RPRD2: variants seen among roughly 807,000 people sequenced by gnomAD.
RPRD2 encodes regulation of nuclear pre-mRNA domain-containing protein 2.
In RPRD2, 12 loss-of-function variants were observed where a neutral mutation model predicts 104.4. The observed-to-expected ratio is 0.11, with a 90% confidence interval of 0.07 to 0.19. RPRD2 has a LOEUF of 0.19. Ranked by LOEUF, RPRD2 falls within the 10% of genes least tolerant of loss-of-function variation. The pLI is 1.00. For synonymous variants in RPRD2, 714 were observed against 684.9 expected, an observed-to-expected ratio of 1.04 and a Z score of -0.66; for missense variants, 1,543 against 1,790.1, an observed-to-expected ratio of 0.86 and a Z score of 2.49.
At chr1:150,452,705 T>C (rs1272292219) in intron 7 of RPRD2, among the ~76,000 whole-genome samples, 1 of 141,734 alleles carries the variant, frequency 7.1e-6, no homozygotes, top group Non-Finnish European at 1.5e-5. Context: ...CTTTCCACTC[T>C]TGTTGCTCAG....
chr1:150,393,685 G>A (rs782433087), intron 1 of RPRD2, among the ~76,000 whole-genome samples: 38 of 151,958 alleles, frequency 2.5e-4, no homozygotes, highest in Admixed American at 6.6e-4. Flanking sequence ...TGTCTCTTAC[G>A]GAAGGTAGTG....
At chr1:150,437,312 A>T (rs1351208970) in intron 2 of RPRD2, among the ~76,000 whole-genome samples, 2 of 152,150 alleles carry the variant, frequency 1.3e-5, no homozygotes, top group Non-Finnish European at 2.9e-5. Flanking sequence ...CCTGGCCAAC[A>T]TGGTGAAACC....
intron 2 of RPRD2, among the ~76,000 whole-genome samples, chr1:150,433,415 TAC>T (rs59986598): frequency 2.4e-4 from 33 of 136,918 alleles, no homozygotes; most frequent in South Asian, 4.4e-4. Flanking sequence ...ATACTATATA[TAC>T]ACACACACAC....
At chr1:150,454,252 TTTTA>T (rs1288884525) in intron 7 of RPRD2, among the ~76,000 whole-genome samples, 1 of 152,222 alleles carries the variant, frequency 6.6e-6, no homozygotes, top group Non-Finnish European at 1.5e-5. Flanking sequence ...CTTTTTTTCT[TTTTA>T]TTTAATAGTG....
chr1:150,365,819 G>T (rs376850712), intron 1 of RPRD2, among the ~76,000 whole-genome samples: 13 of 152,126 alleles, frequency 8.5e-5, no homozygotes, highest in African/African-American at 2.4e-4. Context: ...TCGAACTCCC[G>T]ACCTCAGGTG....
intron 8 of RPRD2, among the ~76,000 whole-genome samples, chr1:150,459,330 A>G (rs1365672465): frequency 1.3e-5 from 2 of 152,196 alleles, no homozygotes; most frequent in East Asian, 1.9e-4. Context: ...CAATAGGGCA[A>G]TTTCAGGAAG....
chr1:150,448,965 A>G (rs782559762), intron 7 of RPRD2, among the ~76,000 whole-genome samples: 1 of 152,144 alleles, frequency 6.6e-6, no homozygotes, highest in Non-Finnish European at 1.5e-5. Flanking sequence ...GTCTGACCTT[A>G]TATTTAGAAA....
chr1:150,369,616 C>G (rs797027437), intron 1 of RPRD2, among the ~76,000 whole-genome samples: 147 of 81,332 alleles, frequency 1.8e-3, no homozygotes, highest in African/African-American at 6.3e-3. Context: ...GTCACCGCGC[C>G]CAGCTAATTT....
At chr1:150,436,444 A>T (rs1257504876) in intron 2 of RPRD2, among the ~76,000 whole-genome samples, 1 of 151,866 alleles carries the variant, frequency 6.6e-6, no homozygotes, top group Non-Finnish European at 1.5e-5. Context: ...TACTAAAAAT[A>T]CAAAAAATTA....
Position 150,417,742 on chromosome 1 carries a change from T to C in RPRD2, c.335+17T>C, listed in dbSNP as rs1664450723. The C allele has an allele frequency of 1.9e-6, 3 of 1,562,348 alleles. No homozygotes were observed. The South Asian group carries it at 3.6e-5, about 18-fold the overall frequency. On this transcript the variant is annotated intron_variant, in intron 2 of 10. Coordinates refer to ENST00000369068, the MANE Select transcript of RPRD2 (RefSeq NM_015203.5). ...TCTAGTGAAGTAAGTAAATCTTTATTGCTCTATGGGATCTAAACTTAGACA... is the reference window on the plus strand; with the variant it reads ...TCTAGTGAAGTAAGTAAATCTTTATCGCTCTATGGGATCTAAACTTAGACA...
chr1:150,442,688 A>G (rs1666487490), intron 4 of RPRD2, among the ~76,000 whole-genome samples: 1 of 152,240 alleles, frequency 6.6e-6, no homozygotes, highest in Non-Finnish European at 1.5e-5. Context: ...CATAAGTTGC[A>G]TGCTTAGGAA....
intron 1 of RPRD2, among the ~76,000 whole-genome samples, chr1:150,393,454 C>CAAAAAAAAAAAAA (rs1203478537): frequency 3.4e-5 from 2 of 59,508 alleles, no homozygotes; most frequent in Non-Finnish European, 6.8e-5. Context: ...GACCCTGTCT[C>CAAAAAAAAAAAAA]AAAAAAAAAA....
chr1:150,427,536 C>G (rs1235928594), intron 2 of RPRD2, among the ~76,000 whole-genome samples: 1 of 151,722 alleles, frequency 6.6e-6, no homozygotes, highest in Non-Finnish European at 1.5e-5. Flanking sequence ...TGGTGGCTCA[C>G]ACTTGTAATC....
Position 150,444,238 on chromosome 1 carries a change from G to A in RPRD2, c.568-13G>A, listed in dbSNP as rs1553895103. 2 of 1,608,946 alleles carry A rather than the reference G, an allele frequency of 1.2e-6. No homozygotes were observed. The highest frequency in any genetic ancestry group is 8.5e-7 in the Non-Finnish European group (1 of 1,177,784). On this transcript the variant is annotated splice_polypyrimidine_tract_variant and intron_variant, in intron 5 of 10. Transcript: ENST00000369068. ...GATCTTGTAAATGAAATATGACTCT[G>A]GTCTGTGTTTAGTCTCAGGCCCTAA...
intron 1 of RPRD2, among the ~76,000 whole-genome samples, chr1:150,376,742 C>T (rs868936439): frequency 1.3e-5 from 2 of 151,490 alleles, no homozygotes; most frequent in South Asian, 2.1e-4. Context: ...CCTCGTGATC[C>T]GCCCGCCTTG....
chr1:150,431,554 C>T (rs1028402610), intron 2 of RPRD2, among the ~76,000 whole-genome samples: 2 of 139,104 alleles, frequency 1.4e-5, no homozygotes, highest in Non-Finnish European at 3.0e-5. Flanking sequence ...AATCTCGGCT[C>T]GCTGCAACTT....
chr1:150,369,480 G>A (rs1221042828), intron 1 of RPRD2, among the ~76,000 whole-genome samples: 4 of 87,468 alleles, frequency 4.6e-5, no homozygotes, highest in Non-Finnish European at 6.9e-5. Context: ...TTTTTGAGAC[G>A]GAGTCTTGCT....
chr1:150,369,404 T>C (rs1660099551), intron 1 of RPRD2, among the ~76,000 whole-genome samples: 1 of 145,396 alleles, frequency 6.9e-6, no homozygotes, highest in Non-Finnish European at 1.5e-5. Context: ...CACCTCAGCC[T>C]CCTGAGTAGC....
intron 1 of RPRD2, among the ~76,000 whole-genome samples, chr1:150,416,534 T>G (rs587601161): frequency 6.6e-6 from 1 of 152,018 alleles, no homozygotes; most frequent in South Asian, 2.1e-4. Flanking sequence ...TTGCTCAGGG[T>G]TCCAGATAGT....
Sources: gnomAD v4.1 joint callset for allele counts (sites outside exome capture counted in the v4.1 genomes callset) on GRCh38, gnomAD v4.1.1 for gene constraint, MANE v1.5 for transcripts, NCBI Gene and HGNC (gene_info 2026-07-23, HGNC 2026-07-21) for gene names.